The following PTPRD variants were observed in gnomAD, a reference collection of about 807,000 sequenced individuals.
PTPRD encodes receptor-type tyrosine-protein phosphatase delta.
PTPRD carries 34 observed loss-of-function variants against 214.5 expected under a neutral mutation model. The ratio of observed to expected loss-of-function variants is 0.16; its 90% CI spans 0.12 to 0.21. The LOEUF (loss-of-function observed/expected upper bound fraction) is 0.21, where lower values mean the gene tolerates loss of function less well. Among genes scored for constraint, PTPRD ranks in the 10% least tolerant of loss-of-function variants. The pLI is 1.00. For synonymous variants in PTPRD, 1,128 were observed against 845.7 expected (o/e 1.33, Z -5.79); for missense variants, 2,545 against 2,398.7 (o/e 1.06, Z -1.27).
At chr9:9,469,185 A>C (rs1269650776) in intron 8 of PTPRD, among the ~76,000 whole-genome samples, 1 of 152,112 alleles carries the variant, frequency 6.6e-6, no homozygotes, top group East Asian at 1.9e-4. Flanking sequence ...TATAAGTTGA[A>C]ATGCTAATGG....
intron 7 of PTPRD, 51 bp downstream of exon 7, chr9:9,734,482 C>G (rs1339411444): frequency 1.3e-5 from 2 of 151,420 alleles, no homozygotes; most frequent in Non-Finnish European, 3.0e-5. Flanking sequence ...TAGTGACAAA[C>G]AAAATAAAAA....
intron 8 of PTPRD, among the ~76,000 whole-genome samples, chr9:9,572,331 A>C (rs2086697651): frequency 6.6e-6 from 1 of 151,356 alleles, no homozygotes; most frequent in South Asian, 2.1e-4. Flanking sequence ...TAGTTTTGAG[A>C]AAGTATTTAA....
chr9:8,800,769 C>T (rs1032408962), intron 11 of PTPRD, among the ~76,000 whole-genome samples: 6 of 152,174 alleles, frequency 3.9e-5, no homozygotes, highest in South Asian at 4.1e-4. Flanking sequence ...TATGGACTCG[C>T]GCTGAATTCT....
rs902862759 is a variant in PTPRD, at chr9:9,200,570, A to C, written c.-202-17207T>G. On this transcript the variant is annotated intron_variant, in intron 9 of 45. Transcript: ENST00000381196. ...GACCCAACACTCAGAGAATAAAGCAATTTGCCTAAGGTAACACAGGATTCC... is the reference window on the plus strand; with the variant it reads ...GACCCAACACTCAGAGAATAAAGCACTTTGCCTAAGGTAACACAGGATTCC... Among the ~76,000 whole-genome samples, 4 of 152,176 alleles carry C rather than the reference A, an allele frequency of 2.6e-5. No homozygotes were observed. In the South Asian group the frequency reaches 8.3e-4, roughly 31 times the overall value.
intron 11 of PTPRD, chr9:8,857,660 G>C (rs1401836955): frequency 6.3e-6 from 1 of 158,624 alleles, no homozygotes. Flanking sequence ...GCCCCGGGCA[G>C]CCGCCGCCAC....
chr9:9,472,878 T>A (rs1212711422), intron 8 of PTPRD, among the ~76,000 whole-genome samples: 1 of 152,178 alleles, frequency 6.6e-6, no homozygotes, highest in Admixed American at 6.5e-5. Context: ...ATTTAAGGGA[T>A]GCAGTGATAT....
chr9:9,837,842 T>C (rs1230410199), intron 5 of PTPRD, among the ~76,000 whole-genome samples: 1 of 152,204 alleles, frequency 6.6e-6, no homozygotes, highest in Admixed American at 6.5e-5. Flanking sequence ...TATGTATACA[T>C]GTGCCATGTT....
intron 30 of PTPRD, among the ~76,000 whole-genome samples, chr9:8,476,913 G>A (rs1486971498): frequency 6.6e-6 from 1 of 152,022 alleles, no homozygotes; most frequent in Non-Finnish European, 1.5e-5. Context: ...ACCAGCAATG[G>A]CATGCCCAAA....
intron 44 of PTPRD, among the ~76,000 whole-genome samples, chr9:8,328,689 T>TCATATAGTCCCATATTTCTC (rs1836523325): frequency 2.0e-5 from 3 of 152,118 alleles, no homozygotes; most frequent in African/African-American, 7.2e-5. Context: ...TTTGGTGTTT[T>TCATATAGTCCCATATTTCTC]CATATAGTCC....
At chr9:8,572,501 T>A (rs1351369004) in intron 14 of PTPRD, among the ~76,000 whole-genome samples, 1 of 151,976 alleles carries the variant, frequency 6.6e-6, no homozygotes, top group Non-Finnish European at 1.5e-5. Flanking sequence ...TATGAGGAAT[T>A]TGTAAGTATT....
chr9:8,713,523 C>G (rs1299103379), intron 12 of PTPRD: 5 of 1,225,886 alleles, frequency 4.1e-6, no homozygotes, highest in Admixed American at 3.4e-5. Flanking sequence ...TTGAGAAGTC[C>G]CCGCTGCGGG....
chr9:9,324,759 C>G (rs897285463), intron 9 of PTPRD, among the ~76,000 whole-genome samples: 2 of 152,058 alleles, frequency 1.3e-5, no homozygotes, highest in African/African-American at 4.8e-5. Flanking sequence ...GTCATGAAGT[C>G]CTTGCCCATG....
At chr9:9,805,918 C>CA (rs574134656) in intron 5 of PTPRD, among the ~76,000 whole-genome samples, 8 of 151,986 alleles carry the variant, frequency 5.3e-5, no homozygotes, top group South Asian at 4.1e-4. Flanking sequence ...AAAAGAAGTA[C>CA]AAAAAAACAT....
At chr9:9,365,456 T>A (rs552617544) in intron 9 of PTPRD, among the ~76,000 whole-genome samples, 1 of 151,572 alleles carries the variant, frequency 6.6e-6, no homozygotes, top group Non-Finnish European at 1.5e-5. Context: ...TATAAACAGT[T>A]GTTTAACTCA....
At chr9:10,585,524 C>T (rs2073608621) in intron 2 of PTPRD, among the ~76,000 whole-genome samples, 2 of 152,082 alleles carry the variant, frequency 1.3e-5, no homozygotes, top group South Asian at 4.2e-4. Flanking sequence ...AATTTCAGGG[C>T]TGAAAATTTG....
intron 5 of PTPRD, among the ~76,000 whole-genome samples, chr9:9,897,734 A>T: frequency 6.6e-6 from 1 of 152,144 alleles, no homozygotes; most frequent in East Asian, 1.9e-4. Flanking sequence ...TATTTTTAGA[A>T]ACAGTATTTT....
At chr9:10,392,619 A>G (rs1181085770) in intron 2 of PTPRD, among the ~76,000 whole-genome samples, 1 of 151,880 alleles carries the variant, frequency 6.6e-6, no homozygotes, top group African/African-American at 2.4e-5. Flanking sequence ...ACAATATAAT[A>G]TGGGATTAAA....
intron 9 of PTPRD, among the ~76,000 whole-genome samples, chr9:9,208,227 G>A (rs1217077430): frequency 6.6e-6 from 1 of 151,562 alleles, no homozygotes; most frequent in Non-Finnish European, 1.5e-5. Flanking sequence ...TGTAAGCCAG[G>A]ATGGTCTCGA....
intron 33 of PTPRD, among the ~76,000 whole-genome samples, chr9:8,455,744 G>A (rs1382428563): frequency 6.6e-6 from 1 of 152,160 alleles, no homozygotes; most frequent in African/African-American, 2.4e-5. Flanking sequence ...AGGTTAAAAA[G>A]AATTCTATAT....
Sources: gnomAD v4.1 joint callset for allele counts (sites outside exome capture counted in the v4.1 genomes callset) on GRCh38, gnomAD v4.1.1 for gene constraint, MANE v1.5 for transcripts, NCBI Gene and HGNC (gene_info 2026-07-23, HGNC 2026-07-21) for gene names.